IPCEF1: variants seen among roughly 807,000 people sequenced by gnomAD.
IPCEF1 encodes interaction protein for cytohesin exchange factors 1.
IPCEF1 carries 31 observed loss-of-function variants against 50.9 expected under a neutral mutation model. The observed-to-expected ratio is 0.61, with a 90% confidence interval of 0.46 to 0.82. The LOEUF (loss-of-function observed/expected upper bound fraction) is 0.82. Among genes scored for constraint, IPCEF1 ranks in the 40% least tolerant of loss-of-function variants. IPCEF1 has a pLI of 0.00. For synonymous variants in IPCEF1, 181 were observed against 192.0 expected (o/e 0.94, Z 0.47); for missense variants, 458 against 514.0 (o/e 0.89, Z 1.05).
intron 1 of IPCEF1, among the ~76,000 whole-genome samples, chr6:154,344,224 G>T (rs1783980625): frequency 6.6e-6 from 1 of 152,016 alleles, no homozygotes; most frequent in East Asian, 1.9e-4. Context: ...TAAATCATCT[G>T]CTCCTTAAAA....
intron 1 of IPCEF1, among the ~76,000 whole-genome samples, chr6:154,307,868 C>T (rs141256279): frequency 4.6e-5 from 7 of 152,264 alleles, no homozygotes; most frequent in African/African-American, 9.6e-5. Flanking sequence ...TACTGTTAGA[C>T]GACTGAGCTG....
At chr6:154,252,350 C>A (rs1781358663) in intron 3 of IPCEF1, among the ~76,000 whole-genome samples, 1 of 152,118 alleles carries the variant, frequency 6.6e-6, no homozygotes, top group South Asian at 2.1e-4. Flanking sequence ...AGGTCCAAAC[C>A]TTCCAGTACT....
chr6:154,227,053 C>T (rs931957119), intron 5 of IPCEF1, among the ~76,000 whole-genome samples: 1 of 151,934 alleles, frequency 6.6e-6, no homozygotes, highest in Admixed American at 6.6e-5. Context: ...CAAAAATTAG[C>T]CAGGTGTGGT....
chr6:154,298,727 G>C (rs1013361537), intron 1 of IPCEF1, among the ~76,000 whole-genome samples: 1 of 152,176 alleles, frequency 6.6e-6, no homozygotes, highest in Non-Finnish European at 1.5e-5. Flanking sequence ...ACTTTGGGAG[G>C]CTGAGGCGGA....
At chr6:154,184,117 G>T (rs1218993694) in intron 10 of IPCEF1, among the ~76,000 whole-genome samples, 1 of 151,728 alleles carries the variant, frequency 6.6e-6, no homozygotes, top group Non-Finnish European at 1.5e-5. Context: ...AAAGTTTTCA[G>T]TGTATCTCAA....
intron 1 of IPCEF1, among the ~76,000 whole-genome samples, chr6:154,324,381 G>C (rs1048820214): frequency 2.0e-5 from 3 of 151,350 alleles, no homozygotes; most frequent in African/African-American, 7.3e-5. Flanking sequence ...GCCTGGGCAA[G>C]ATGGCAAGAC....
chr6:154,200,298 C>T (rs1387337401), intron 9 of IPCEF1, among the ~76,000 whole-genome samples: 1 of 152,190 alleles, frequency 6.6e-6, no homozygotes, highest in Non-Finnish European at 1.5e-5. Context: ...TTGTCCTATT[C>T]TTCAATGCTC....
At chr6:154,245,940 G>A (rs973762690) in intron 5 of IPCEF1, among the ~76,000 whole-genome samples, 17 of 152,208 alleles carry the variant, frequency 1.1e-4, no homozygotes, top group African/African-American at 4.1e-4. Context: ...GACCACAACA[G>A]TATACCGACT....
At chr6:154,290,668 C>A (rs1363691848) in intron 1 of IPCEF1, among the ~76,000 whole-genome samples, 1 of 152,090 alleles carries the variant, frequency 6.6e-6, no homozygotes, top group African/African-American at 2.4e-5. Context: ...CAAAAGTTTT[C>A]TCTCATAGGA....
intron 3 of IPCEF1, among the ~76,000 whole-genome samples, chr6:154,259,572 A>T (rs1425462386): frequency 6.6e-6 from 1 of 152,168 alleles, no homozygotes; most frequent in African/African-American, 2.4e-5. Context: ...AAATCACTTG[A>T]ACCTGGGAGG....
chr6:154,161,215 ATT>A (rs778278528), intron 11 of IPCEF1, among the ~76,000 whole-genome samples: 11 of 133,796 alleles, frequency 8.2e-5, no homozygotes, highest in Admixed American at 1.5e-4. Flanking sequence ...TTTTCTTTTC[ATT>A]TTTTTTTTTT....
chr6:154,246,687 A>G lies in IPCEF1; in HGVS notation c.150T>C (p.Tyr50=). The change falls in exon 5 of 12, where the codon TAT becomes TAC. Residue 50 remains tyrosine (Y), a synonymous_variant. Transcript: ENST00000367220. ...GGAAACTTCCCTTTTCCTTTTTCTT[A>G]TACAGCCACCCTTGGCAGTCAGCAT... ...LGHADCQGWL[Y]KKKEKGSFLS... is the part of the protein sequence containing the mutation. 2 of 1,613,996 alleles carry G rather than the reference A, an allele frequency of 1.2e-6. No homozygotes were observed. The highest frequency in any genetic ancestry group is 1.7e-6 in the Non-Finnish European group (2 of 1,179,962).
chr6:154,254,345 T>TA (rs755113294), intron 3 of IPCEF1, among the ~76,000 whole-genome samples: 28 of 152,172 alleles, frequency 1.8e-4, no homozygotes, highest in Non-Finnish European at 3.4e-4. Flanking sequence ...TCAGAAAAGT[T>TA]ACGATCATGG....
intron 9 of IPCEF1, among the ~76,000 whole-genome samples, chr6:154,207,403 A>G (rs903297679): frequency 6.6e-6 from 1 of 152,198 alleles, no homozygotes; most frequent in African/African-American, 2.4e-5. Context: ...AGAATTTTTC[A>G]CCCAACTATC....
chr6:154,355,490 C>CTTTTTT (rs1562300809), intron 1 of IPCEF1, among the ~76,000 whole-genome samples: 1 of 136,344 alleles, frequency 7.3e-6, no homozygotes. Flanking sequence ...TTCTTTCTTT[C>CTTTTTT]TTTCTTTTTT....
intron 5 of IPCEF1, among the ~76,000 whole-genome samples, chr6:154,244,588 C>T (rs556068503): frequency 6.6e-6 from 1 of 152,254 alleles, no homozygotes; most frequent in South Asian, 2.1e-4. Context: ...TCTTTCTAGC[C>T]TAGTCTGTCA....
At chr6:154,276,278 GAAAAGAAAAA>G (rs1211611048) in intron 2 of IPCEF1, among the ~76,000 whole-genome samples, 2 of 8,900 alleles carry the variant, frequency 2.2e-4, no homozygotes, top group Non-Finnish European at 4.8e-4. Context: ...AGAGAAAAAA[GAAAAGAAAAA>G]AAAAGAAAAG....
chr6:154,339,787 G>T (rs549064367), intron 1 of IPCEF1, among the ~76,000 whole-genome samples: 69 of 151,812 alleles, frequency 4.5e-4, no homozygotes, highest in Non-Finnish European at 1.2e-4. Context: ...GTAGAGATGG[G>T]GTCTCACTAT....
At chr6:154,340,033 T>C (rs773710911) in intron 1 of IPCEF1, among the ~76,000 whole-genome samples, 2 of 152,084 alleles carry the variant, frequency 1.3e-5, no homozygotes, top group Non-Finnish European at 2.9e-5. Context: ...GCTCAACATA[T>C]TGCAGAGTAG....
Sources: allele counts gnomAD v4.1 joint callset (sites outside exome capture counted in the v4.1 genomes callset), GRCh38; gene constraint gnomAD v4.1.1; transcripts MANE v1.5; gene names NCBI Gene and HGNC (gene_info 2026-07-23, HGNC 2026-07-21).